Variants in OCM observed in about 807,000 individuals in gnomAD.
OCM encodes oncomodulin-1.
A neutral mutation model predicts 14.1 loss-of-function variants in OCM; 18 were observed. The observed-to-expected ratio is 1.28, with a 90% CI of 0.88 to 1.89. The LOEUF (loss-of-function observed/expected upper bound fraction) is 1.89. Among genes scored for constraint, OCM ranks in the 40% most tolerant of loss-of-function variants. OCM has a pLI of 0.00. For missense variants in OCM, 140 were observed against 137.6 expected (o/e 1.02, Z -0.09); for synonymous variants, 48 against 51.0 (o/e 0.94, Z 0.25).
chr7:5,868,052 A>G, the OCM span, among the ~76,000 whole-genome samples: 8 of 150,102 alleles, frequency 5.3e-5, no homozygotes, highest in Non-Finnish European at 1.0e-4. Context: ...TTCCATTGCT[A>G]TGTTTTCAAA....
At chr7:5,873,951 C>G in the OCM span, among the ~76,000 whole-genome samples, 2 of 151,500 alleles carry the variant, frequency 1.3e-5, no homozygotes, top group African/African-American at 4.9e-5. Context: ...CGCGGTGGCT[C>G]ACACCTGTAA....
chr7:5,863,712 T>G, the OCM span, among the ~76,000 whole-genome samples: 1 of 152,146 alleles, frequency 6.6e-6, no homozygotes, highest in East Asian at 1.9e-4. Context: ...TTTTGTATTT[T>G]TAGTAGAGAT....
At chr7:5,885,721 C>T (rs1481454808) in intron 3 of OCM, among the ~76,000 whole-genome samples, 2 of 151,744 alleles carry the variant, frequency 1.3e-5, no homozygotes, top group Admixed American at 1.3e-4. Flanking sequence ...AGTGATTCTC[C>T]TGCCTCAGCC....
At chr7:5,864,866 A>C in the OCM span, among the ~76,000 whole-genome samples, 1 of 151,628 alleles carries the variant, frequency 6.6e-6, no homozygotes, top group South Asian at 2.1e-4. Context: ...TGAACCCGGG[A>C]GGCGGAGGTT....
chr7:5,875,678 A>T (rs1378004192), upstream of OCM, among the ~76,000 whole-genome samples: 1 of 152,098 alleles, frequency 6.6e-6, no homozygotes, highest in Non-Finnish European at 1.5e-5. Flanking sequence ...TTTAACCCAT[A>T]TGCTACTTGG....
upstream of OCM, among the ~76,000 whole-genome samples, chr7:5,878,511 C>T (rs1273085836): frequency 6.7e-6 from 1 of 149,734 alleles, no homozygotes; most frequent in Non-Finnish European, 1.5e-5. Context: ...CTTTGGGAGG[C>T]CGAGGTGGGC....
intron 1 of OCM, among the ~76,000 whole-genome samples, chr7:5,881,619 G>T (rs1781217681): frequency 7.9e-6 from 1 of 127,006 alleles, no homozygotes; most frequent in Admixed American, 7.7e-5. Context: ...GACAGAGTGA[G>T]ACTCTGGCTC....
chr7:5,860,685 T>A, the OCM span, among the ~76,000 whole-genome samples: 1 of 103,304 alleles, frequency 9.7e-6, no homozygotes, highest in Non-Finnish European at 1.9e-5. Flanking sequence ...TATATACGTG[T>A]GTATATATTA....
chr7:5,870,209 C>T, the OCM span, among the ~76,000 whole-genome samples: 1 of 151,976 alleles, frequency 6.6e-6, no homozygotes, highest in Non-Finnish European at 1.5e-5. Context: ...CAGGCTGAAG[C>T]CATCCATCCT....
upstream of OCM, among the ~76,000 whole-genome samples, chr7:5,878,031 C>G (rs762662474): frequency 2.0e-5 from 3 of 149,152 alleles, no homozygotes; most frequent in Non-Finnish European, 4.4e-5. Flanking sequence ...AGTGCAGTGA[C>G]GTGATCTCGG....
chr7:5,875,078 G>A (rs1177931183), upstream of OCM, among the ~76,000 whole-genome samples: 4 of 144,754 alleles, frequency 2.8e-5, no homozygotes, highest in East Asian at 2.0e-4. Context: ...TTTTTGAGAC[G>A]GAGTCTTGCT....
At chr7:5,878,979 G>A (rs1412905319), upstream of OCM, among the ~76,000 whole-genome samples, 2 of 150,750 alleles carry the variant, frequency 1.3e-5, no homozygotes, top group Admixed American at 6.6e-5. Flanking sequence ...CCAGGAGTTC[G>A]AGACCAGCCT....
the OCM span, among the ~76,000 whole-genome samples, chr7:5,869,819 C>G: frequency 2.0e-5 from 3 of 152,260 alleles, no homozygotes; most frequent in Admixed American, 2.0e-4. Context: ...AAGCACTCAA[C>G]TTGCCGGGTC....
At chr7:5,879,060 G>A (rs909317640), upstream of OCM, among the ~76,000 whole-genome samples, 2 of 151,948 alleles carry the variant, frequency 1.3e-5, no homozygotes, top group African/African-American at 4.8e-5. Flanking sequence ...AATTAGCCAG[G>A]CATGGTGGTG....
chr7:5,861,474 T>C, the OCM span, among the ~76,000 whole-genome samples: 59 of 151,396 alleles, frequency 3.9e-4, no homozygotes, highest in African/African-American at 1.3e-3. Context: ...ATAGAACCAG[T>C]TGGGTCATGT....
chr7:5,867,626 T>C, the OCM span, among the ~76,000 whole-genome samples: 19 of 152,206 alleles, frequency 1.2e-4, 1 homozygote, highest in East Asian at 2.7e-3. Context: ...ATTACATGTA[T>C]ATTAGGCCAC....
chr7:5,878,278 A>G (rs1781136240), upstream of OCM, among the ~76,000 whole-genome samples: 8 of 151,664 alleles, frequency 5.3e-5, no homozygotes, highest in Admixed American at 5.3e-4. Context: ...TCAAACTAGT[A>G]GAAGCAGAAA....
chr7:5,880,090 T>C (rs570230814), upstream of OCM: 5 of 152,204 alleles, frequency 3.3e-5, no homozygotes, highest in Non-Finnish European at 5.9e-5. Flanking sequence ...CTCTGGGAGA[T>C]GGGCTTTTCA....
At chr7:5,881,473 A>T (rs1219392373) in intron 1 of OCM, among the ~76,000 whole-genome samples, 1 of 151,840 alleles carries the variant, frequency 6.6e-6, no homozygotes, top group Non-Finnish European at 1.5e-5. Flanking sequence ...TAACAATAAA[A>T]ATAAAAACTA....
Sources: allele counts gnomAD v4.1 joint callset (sites outside exome capture counted in the v4.1 genomes callset), GRCh38; gene constraint gnomAD v4.1.1; transcripts MANE v1.5; gene names NCBI Gene and HGNC (gene_info 2026-07-23, HGNC 2026-07-21).